ACYP2: variants seen among roughly 807,000 people sequenced by gnomAD.
ACYP2 encodes the protein acylphosphatase 2, also known as acylphosphatase-2.
Under a neutral mutation model 11.2 loss-of-function variants are expected in ACYP2, and 12 were observed. The observed-to-expected ratio is 1.08, with a 90% CI of 0.69 to 1.74. ACYP2 has a LOEUF of 1.74. Ranked by LOEUF, ACYP2 falls within the 40% of genes most tolerant of loss-of-function variation. The pLI, the probability that ACYP2 is intolerant of heterozygous loss-of-function variation, is 0.00. For synonymous variants in ACYP2, 43 were observed against 32.2 expected, an observed-to-expected ratio of 1.33 and a Z score of -1.13; for missense variants, 134 against 101.9, an observed-to-expected ratio of 1.31 and a Z score of -1.35.
chr2:54,135,034 T>C (rs1053403994), intron 4 of ACYP2, among the ~76,000 whole-genome samples: 3 of 152,228 alleles, frequency 2.0e-5, no homozygotes, highest in African/African-American at 7.2e-5. Flanking sequence ...GGAAGCACTT[T>C]ATGGTTTCTC....
At chr2:54,021,831 A>T (rs10084204) in intron 2 of ACYP2, among the ~76,000 whole-genome samples, 3,110 of 152,294 alleles carry the variant, frequency 0.02, 104 homozygotes, top group African/African-American at 0.071. Flanking sequence ...ACTGGTGTTA[A>T]ACACATAATC....
intron 4 of ACYP2, among the ~76,000 whole-genome samples, chr2:54,070,270 CAAAAAAA>C (rs200624759): frequency 4.4e-5 from 4 of 89,934 alleles, no homozygotes; most frequent in African/African-American, 1.5e-4. Context: ...AAGTCCATCT[CAAAAAAA>C]AAAAAAAAAA....
At chr2:54,170,051 A>G (rs1261504274) in intron 6 of ACYP2, among the ~76,000 whole-genome samples, 1 of 152,130 alleles carries the variant, frequency 6.6e-6, no homozygotes, top group East Asian at 1.9e-4. Context: ...ATGCTTTTAT[A>G]TGACTTTTGG....
chr2:54,102,508 C>G (rs1449096014), intron 4 of ACYP2, among the ~76,000 whole-genome samples: 1 of 151,922 alleles, frequency 6.6e-6, no homozygotes, highest in African/African-American at 2.4e-5. Context: ...GCAAGGAGGT[C>G]TAGGCTTATA....
chr2:54,089,235 C>A (rs1296801940), intron 4 of ACYP2, among the ~76,000 whole-genome samples: 2 of 152,032 alleles, frequency 1.3e-5, no homozygotes, highest in Non-Finnish European at 2.9e-5. Flanking sequence ...GTCAATGAAC[C>A]TTGAATAACA....
intron 4 of ACYP2, among the ~76,000 whole-genome samples, chr2:54,121,193 A>G (rs981260881): frequency 2.0e-5 from 3 of 152,156 alleles, no homozygotes; most frequent in African/African-American, 7.2e-5. Flanking sequence ...CGATAAAGAG[A>G]GGGGACCCGA....
At chr2:54,203,344 C>G (rs1201332636) in intron 6 of ACYP2, among the ~76,000 whole-genome samples, 2 of 152,154 alleles carry the variant, frequency 1.3e-5, no homozygotes, top group Admixed American at 6.5e-5. Context: ...AACCTGTTTA[C>G]TACTTCTAAC....
intron 6 of ACYP2, among the ~76,000 whole-genome samples, chr2:54,214,885 T>C (rs1685494391): frequency 6.6e-6 from 1 of 152,214 alleles, no homozygotes; most frequent in African/African-American, 2.4e-5. Flanking sequence ...TCTGTGAGCA[T>C]GGAATGTTTT....
intron 4 of ACYP2, among the ~76,000 whole-genome samples, chr2:54,070,379 A>T (rs1311659673): frequency 6.6e-6 from 1 of 152,146 alleles, no homozygotes; most frequent in Non-Finnish European, 1.5e-5. Flanking sequence ...TGAAATTCTT[A>T]TTCATGTTAA....
chr2:54,094,229 A>T (rs1021042161), intron 4 of ACYP2, among the ~76,000 whole-genome samples: 33 of 142,186 alleles, frequency 2.3e-4, no homozygotes, highest in South Asian at 9.1e-4. Flanking sequence ...GAGAAAAAAA[A>T]TTTTTTTTTT....
At chr2:54,212,220 CAA>C (rs1166915018) in intron 6 of ACYP2, among the ~76,000 whole-genome samples, 1 of 152,078 alleles carries the variant, frequency 6.6e-6, no homozygotes, top group Non-Finnish European at 1.5e-5. Flanking sequence ...TTGGGGGATG[CAA>C]AGTCTTTTAG....
At chr2:54,141,271 C>T (rs1483657791) in intron 6 of ACYP2, among the ~76,000 whole-genome samples, 2 of 152,174 alleles carry the variant, frequency 1.3e-5, no homozygotes, top group Non-Finnish European at 2.9e-5. Flanking sequence ...TCTATGATAG[C>T]TTTGCAACAT....
chr2:54,052,365 T>C (rs954031940), intron 3 of ACYP2, among the ~76,000 whole-genome samples: 7 of 152,132 alleles, frequency 4.6e-5, no homozygotes, highest in African/African-American at 1.4e-4. Flanking sequence ...ATAGCCACTA[T>C]TGAAAATGTG....
At chr2:54,115,520 C>G in intron 4 of ACYP2, 95 bp from the exon 1 acceptor site, 1 of 1,472,070 alleles carries the variant, frequency 6.8e-7, no homozygotes, top group Non-Finnish European at 9.0e-7. Flanking sequence ...CCCTCGCTCC[C>G]AGGCCCCGCA....
chr2:54,067,875 C>T (rs1419925892), intron 4 of ACYP2, among the ~76,000 whole-genome samples: 1 of 152,136 alleles, frequency 6.6e-6, no homozygotes, highest in Non-Finnish European at 1.5e-5. Flanking sequence ...GCTATAAGCA[C>T]AAATTGCTTT....
At chr2:54,273,027 A>C (rs962213807) in intron 6 of ACYP2, among the ~76,000 whole-genome samples, 1 of 152,240 alleles carries the variant, frequency 6.6e-6, no homozygotes, top group Non-Finnish European at 1.5e-5. Context: ...GGAAAGCAGG[A>C]AACTAGGAAG....
intron 6 of ACYP2, among the ~76,000 whole-genome samples, chr2:54,248,321 T>C (rs1331649601): frequency 1.3e-5 from 2 of 152,216 alleles, no homozygotes; most frequent in Non-Finnish European, 2.9e-5. Flanking sequence ...TTATTGACCA[T>C]ATGATAGGTG....
chr2:54,225,707 T>C (rs843761), intron 6 of ACYP2, among the ~76,000 whole-genome samples: 41,002 of 152,050 alleles, frequency 0.27, 5,726 homozygotes, highest in South Asian at 0.46. Flanking sequence ...TAATATATTA[T>C]CCATACTAAA....
intron 6 of ACYP2, among the ~76,000 whole-genome samples, chr2:54,299,028 C>A (rs1689623669): frequency 6.6e-6 from 1 of 151,918 alleles, no homozygotes; most frequent in Non-Finnish European, 1.5e-5. Flanking sequence ...GCTGGGATTA[C>A]AGGTGTGAGC....
Sources: gnomAD v4.1 joint callset for allele counts (sites outside exome capture counted in the v4.1 genomes callset) on GRCh38, gnomAD v4.1.1 for gene constraint, MANE v1.5 for transcripts, NCBI Gene and HGNC (gene_info 2026-07-23, HGNC 2026-07-21) for gene names.